Variants in RASL12 observed in about 807,000 individuals in gnomAD.
RASL12 encodes the protein RAS like family 12, also known as ras-like protein family member 12.
RASL12 carries 16 observed loss-of-function variants against 22.9 expected under a neutral mutation model. The observed-to-expected ratio is 0.70, with a 90% CI of 0.47 to 1.06. The LOEUF is 1.06. RASL12 is among the 50% of genes least tolerant of loss of function. The pLI, the probability that RASL12 is intolerant of heterozygous loss-of-function variation, is 0.00. For missense variants in RASL12, 306 were observed against 353.1 expected (o/e 0.87, Z 1.07); for synonymous variants, 159 against 152.2 (o/e 1.04, Z -0.33).
upstream of RASL12, among the ~76,000 whole-genome samples, chr15:65,068,891 TACTG>T (rs1002148271): frequency 1.3e-5 from 2 of 152,154 alleles, no homozygotes; most frequent in Non-Finnish European, 2.9e-5. The surrounding 1 kb of genome is among the most constrained non-coding windows in gnomAD (Gnocchi z 4.2). Context: ...CATATATAAA[TACTG>T]AAGGAAGGGG....
At chr15:65,068,138 C>T, upstream of RASL12, 1 of 1,017,214 alleles carries the variant, frequency 9.8e-7, no homozygotes, top group South Asian at 4.6e-5. This position sits in a 1 kb window ranked among gnomAD's most constrained non-coding sequence, Gnocchi z 4.2. Context: ...GCCGGCCGCG[C>T]CCCCACCGCC....
chr15:65,076,042 C>T (rs2086965986), intron 1 of RASL12, among the ~76,000 whole-genome samples: 2 of 152,190 alleles, frequency 1.3e-5, no homozygotes, highest in Admixed American at 1.3e-4. Flanking sequence ...ACGTGGAGAA[C>T]TTTTGTATCT....
intron 2 of RASL12, among the ~76,000 whole-genome samples, chr15:65,064,930 A>G (rs1212361329): frequency 6.6e-6 from 1 of 152,220 alleles, no homozygotes; most frequent in East Asian, 1.9e-4. Flanking sequence ...ATGTCTTGCT[A>G]TGTTTATTTT....
chr15:65,051,968 C>T (rs1271177543), downstream of RASL12, among the ~76,000 whole-genome samples: 1 of 152,158 alleles, frequency 6.6e-6, no homozygotes, highest in African/African-American at 2.4e-5. Flanking sequence ...GACCTGTTCC[C>T]CCTACGACCC....
rs2086870538 is a variant in RASL12, at chr15:65,065,893, G to A, written c.104-620C>T. 2.0e-5 allele frequency among the ~76,000 whole-genome samples: 3 copies of A among 152,116 alleles called. 1 individual carries two copies. Among genetic ancestry groups the A allele is most frequent in the South Asian group, 4.1e-4 (2 of 4,834 alleles). On this transcript the variant is annotated intron_variant, in intron 1 of 4. Coordinates refer to ENST00000220062, the MANE Select transcript of RASL12 (RefSeq NM_016563.4). ...CTCATCATGGATATCTCAGCAGAAT[G>A]TAAAACTCAAGAATTAAGCTCTCTT...
chr15:65,056,720 A>G (rs1480683371), intron 4 of RASL12, among the ~76,000 whole-genome samples: 1 of 152,158 alleles, frequency 6.6e-6, no homozygotes, highest in East Asian at 1.9e-4. Context: ...TAACAGTGAG[A>G]CAGTCGTGGG....
chr15:65,054,147 G>C lies in RASL12; in HGVS notation c.*752C>G, dbSNP rs2086695416. ...GCAGCCTGGATCATTAAGCTTGAGG[G>C]AGCTGATGCTGAGGTTCTTTGGACA... On this transcript the variant is annotated 3_prime_UTR_variant, in exon 5 of 5. Transcript: ENST00000220062. 1.1e-5 allele frequency: 11 copies of C among 985,972 alleles called. No individual in the cohort carries two copies. The highest frequency in any genetic ancestry group is 1.3e-5 in the Non-Finnish European group (11 of 830,000). The allele number at this position is 985,972 out of a possible 1,614,324, so 61.1% of individuals were successfully genotyped here.
chr15:65,068,958 G>A (rs371305259), upstream of RASL12, among the ~76,000 whole-genome samples: 161 of 152,284 alleles, frequency 1.1e-3, 1 homozygote, highest in African/African-American at 3.6e-3. The surrounding 1 kb of genome is among the most constrained non-coding windows in gnomAD (Gnocchi z 4.2). Flanking sequence ...CCAGGCCTGC[G>A]TACATTCTAG....
chr15:65,057,661 A>G (rs1266284471), intron 4 of RASL12, among the ~76,000 whole-genome samples: 4 of 152,054 alleles, frequency 2.6e-5, no homozygotes, highest in Non-Finnish European at 5.9e-5. Context: ...CAACTGTGGG[A>G]GTGAGAGTGG....
chr15:65,072,492 A>G (rs1354759785), upstream of RASL12, among the ~76,000 whole-genome samples: 1 of 152,174 alleles, frequency 6.6e-6, no homozygotes, highest in Non-Finnish European at 1.5e-5. Context: ...TGAGCCACTC[A>G]TTCTCCCTAA....
intron 2 of RASL12, among the ~76,000 whole-genome samples, chr15:65,061,994 T>C (rs2086812692): frequency 6.8e-6 from 1 of 148,102 alleles, no homozygotes; most frequent in African/African-American, 2.5e-5. Flanking sequence ...GGCAGGAGAA[T>C]GGTGTGAACC....
At chr15:65,049,932 C>T, downstream of RASL12, 2 of 1,222,442 alleles carry the variant, frequency 1.6e-6, no homozygotes, top group Non-Finnish European at 2.3e-6. Flanking sequence ...GGGCCAGAAC[C>T]GAGGAGGCCA....
rs2086700822 is a variant in RASL12, at chr15:65,054,605, T to G, written c.*294A>C. 14 of 1,253,808 alleles carry G rather than the reference T, an allele frequency of 1.1e-5. No homozygotes were observed. The South Asian group carries it at 3.3e-4, about 29-fold the overall frequency. 77.7% of individuals were successfully genotyped at this position (1,253,808 alleles called of 1,614,324 possible). ...GGGCTGATGGCAGCAGGATAGACAC[T>G]GCAATTTCTTCCTACTTAAGGCTGA... is the stretch of plus-strand genomic sequence containing the variant. On this transcript the variant is annotated 3_prime_UTR_variant, in exon 5 of 5. Transcript: ENST00000220062.
rs1566956183 is a variant in RASL12 at position 65,065,199 on chromosome 15, C to CG, written c.160+17dup. The CG allele has an allele frequency of 6.2e-7, 1 of 1,610,200 alleles. No homozygotes were observed. The highest frequency in any genetic ancestry group is 1.3e-5 in the African/African-American group (1 of 74,982). On this transcript the variant is annotated intron_variant, in intron 2 of 4. Transcript: ENST00000220062. The stretch of plus-strand genomic sequence containing the variant: ...GATGGGGCACAGGCAGCAGAAGGTA[C>CG]GGGGAGTAGTTTCTTACCCAAGTTG...
At chr15:65,070,414 A>G (rs188704049), upstream of RASL12, among the ~76,000 whole-genome samples, 2 of 152,340 alleles carry the variant, frequency 1.3e-5, no homozygotes, top group African/African-American at 2.4e-5. Flanking sequence ...TCCACCTACA[A>G]AGAAGTCATA....
chr15:65,074,865 G>A (rs2086954125), intron 1 of RASL12, among the ~76,000 whole-genome samples: 1 of 152,270 alleles, frequency 6.6e-6, no homozygotes, highest in Non-Finnish European at 1.5e-5. Flanking sequence ...CATGCTGGCA[G>A]TCCTCAGAGC....
chr15:65,052,851 T>C, downstream of RASL12: 2 of 878,252 alleles, frequency 2.3e-6, no homozygotes, highest in East Asian at 2.6e-5. Flanking sequence ...TCTCCTCTAG[T>C]AGCTCCCAAA....
intron 1 of RASL12, among the ~76,000 whole-genome samples, chr15:65,075,019 T>C (rs985170724): frequency 1.3e-5 from 2 of 152,060 alleles, no homozygotes; most frequent in Non-Finnish European, 2.9e-5. Context: ...CAGGGAGGTG[T>C]GGAGGGAGAG....
chr15:65,047,375 C>T, the RASL12 span, among the ~76,000 whole-genome samples: 5 of 151,262 alleles, frequency 3.3e-5, no homozygotes, highest in Non-Finnish European at 7.4e-5. Context: ...ACAAAATATA[C>T]ATAGAAATAT....
Sources: allele counts gnomAD v4.1 joint callset (sites outside exome capture counted in the v4.1 genomes callset), GRCh38; gene constraint gnomAD v4.1.1; non-coding constraint Gnocchi (gnomAD v3.1); transcripts MANE v1.5; gene names NCBI Gene and HGNC (gene_info 2026-07-23, HGNC 2026-07-21).